The following ROBO1 variants were observed in gnomAD, a reference collection of about 807,000 sequenced individuals.
ROBO1 encodes roundabout guidance receptor 1, also known as roundabout homolog 1.
ROBO1 carries 149 observed loss-of-function variants against 195.9 expected under a neutral mutation model. That is an observed-to-expected ratio of 0.76 (90% CI 0.67 to 0.87). The LOEUF (loss-of-function observed/expected upper bound fraction) is 0.87. Among genes scored for constraint, ROBO1 ranks in the 40% least tolerant of loss-of-function variants. The pLI, the probability that ROBO1 is intolerant of heterozygous loss-of-function variation, is 0.00. For synonymous variants in ROBO1, 816 were observed against 733.2 expected (o/e 1.11, Z -1.82); for missense variants, 1,933 against 2,068.3 (o/e 0.93, Z 1.27).
rs577618678 is a variant in ROBO1, at chr3:78,825,336, G to C, written c.500-78436C>G. ...ATGATATTACTCACCAAATGAGCCT[G>C]GATTTCACCTAGGAGAACCCAAAAA... On this transcript the variant is annotated intron_variant, in intron 4 of 30. Transcript: ENST00000464233. Among the ~76,000 whole-genome samples the C allele has an allele frequency of 2.0e-5, 3 of 152,166 alleles. 1 individual carries two copies. The South Asian group carries it at 6.2e-4, about 32-fold the overall frequency.
chr3:79,421,112 C>T lies in ROBO1; in HGVS notation c.88+168712G>A, dbSNP rs2038207373. On this transcript the variant is annotated intron_variant, in intron 2 of 30. Transcript: ENST00000464233. ...TGGAAGCTATTGTCCTTAGAAAAGT[C>T]ATGCAGAAATAGAAAATGAAATACA... Among the ~76,000 whole-genome samples, 4 of 152,072 alleles carry T rather than the reference C, an allele frequency of 2.6e-5. No homozygotes were observed. In the South Asian group the frequency reaches 8.3e-4, roughly 32 times the overall value.
chr3:79,683,661 G>C (rs1017659020), intron 1 of ROBO1, among the ~76,000 whole-genome samples: 1 of 151,976 alleles, frequency 6.6e-6, no homozygotes, highest in Admixed American at 6.6e-5. Context: ...CTCTATGGAT[G>C]TGCCTATTCT....
chr3:79,362,720 C>T (rs2035817408), intron 2 of ROBO1, among the ~76,000 whole-genome samples: 1 of 152,070 alleles, frequency 6.6e-6, no homozygotes, highest in Non-Finnish European at 1.5e-5. Context: ...CCTGAGACTC[C>T]AATTAACTTT....
At position 79,144,612 on chromosome 3, in the gene ROBO1, G is replaced by A. The variant is rs557465224; in HGVS notation, c.89-19073C>T. Among the ~76,000 whole-genome samples the A allele has an allele frequency of 3.3e-5, 5 of 152,020 alleles. No homozygotes were observed. The South Asian group carries it at 1.0e-3, about 32-fold the overall frequency. ...ATGAAGAGGAATGAAGAATACTAGA[G>A]CTTTGTAGGTCCTTTAGAAACACTG... On this transcript the variant is annotated intron_variant, in intron 2 of 30. Coordinates refer to ENST00000464233, the MANE Select transcript of ROBO1 (RefSeq NM_002941.4).
At chr3:79,614,590 T>C (rs777145674) in intron 1 of ROBO1, among the ~76,000 whole-genome samples, 9 of 152,018 alleles carry the variant, frequency 5.9e-5, no homozygotes, top group Non-Finnish European at 1.0e-4. Flanking sequence ...AATTAAAGTA[T>C]TAAAAAACTA....
At chr3:78,710,623 T>C (rs938099585) in intron 8 of ROBO1, among the ~76,000 whole-genome samples, 5 of 152,198 alleles carry the variant, frequency 3.3e-5, no homozygotes, top group Non-Finnish European at 7.4e-5. Context: ...CCATTTTACA[T>C]ATGGGTCAAC....
intron 4 of ROBO1, among the ~76,000 whole-genome samples, chr3:78,861,463 T>C (rs2034830913): frequency 6.6e-6 from 1 of 152,172 alleles, no homozygotes; most frequent in African/African-American, 2.4e-5. Context: ...ACTTTTATCA[T>C]TATTTCCTGG....
intron 1 of ROBO1, among the ~76,000 whole-genome samples, chr3:79,667,290 T>C (rs1031722384): frequency 6.6e-6 from 1 of 151,964 alleles, no homozygotes; most frequent in Non-Finnish European, 1.5e-5. Flanking sequence ...GATATGAATA[T>C]TCTTTCTTTC....
intron 5 of ROBO1, among the ~76,000 whole-genome samples, chr3:78,718,545 AT>A (rs1304807258): frequency 6.6e-6 from 1 of 152,062 alleles, no homozygotes. Context: ...CATATAATTA[AT>A]TGAATAAAAA....
At position 78,670,895 on chromosome 3, in the gene ROBO1, G is replaced by A. The variant is rs371145449; in HGVS notation, c.1343-594C>T. 8.5e-5 allele frequency among the ~76,000 whole-genome samples: 13 copies of A among 152,242 alleles called. 1 individual carries two copies. The East Asian group carries it at 1.9e-3, about 23-fold the overall frequency. ...TCTTTCTATTACAATATACATGGGA[G>A]AAAATTACCCAACTGTAATGAATTC... On this transcript the variant is annotated intron_variant, in intron 10 of 30. Transcript: ENST00000464233.
At chr3:78,964,812 GT>G (rs529362771) in intron 3 of ROBO1, among the ~76,000 whole-genome samples, 5,615 of 130,378 alleles carry the variant, frequency 0.043, 203 homozygotes, top group Admixed American at 0.13. Context: ...TTTTTTTTTT[GT>G]TTTTTTTTTT....
chr3:79,150,787 A>G (rs1392813150), intron 2 of ROBO1, among the ~76,000 whole-genome samples: 1 of 151,836 alleles, frequency 6.6e-6, no homozygotes, highest in Non-Finnish European at 1.5e-5. Context: ...CCATAAAAGG[A>G]TATCTTGACT....
At chr3:78,816,203 T>C (rs990222269) in intron 4 of ROBO1, among the ~76,000 whole-genome samples, 7 of 152,144 alleles carry the variant, frequency 4.6e-5, no homozygotes, top group African/African-American at 1.7e-4. Flanking sequence ...CATTATGAAT[T>C]ATGATAAAGC....
rs80096547 is a variant in ROBO1, at chr3:79,650,705, A to G, written c.-50-60744T>C. 2.4e-3 allele frequency among the ~76,000 whole-genome samples: 370 copies of G among 152,016 alleles called. 1 individual carries two copies. Among genetic ancestry groups the G allele is most frequent in the African/African-American group, 8.7e-3 (362 of 41,546 alleles). ...AATGAAATAAATTAGAGCTCAATGGATAAATGAAAATAGACCCCAAAGCAA... is the reference window on the plus strand; with the variant it reads ...AATGAAATAAATTAGAGCTCAATGGGTAAATGAAAATAGACCCCAAAGCAA... On this transcript the variant is annotated intron_variant, in intron 1 of 30. Coordinates refer to ENST00000464233, the MANE Select transcript of ROBO1 (RefSeq NM_002941.4).
At chr3:79,463,706 A>C (rs1279924141) in intron 2 of ROBO1, among the ~76,000 whole-genome samples, 1 of 152,218 alleles carries the variant, frequency 6.6e-6, no homozygotes, top group Non-Finnish European at 1.5e-5. Context: ...TCATTAAAGG[A>C]ATACTGAAAT....
At chr3:78,943,383 C>T (rs368510243) in intron 3 of ROBO1, among the ~76,000 whole-genome samples, 4 of 152,102 alleles carry the variant, frequency 2.6e-5, no homozygotes, top group African/African-American at 4.8e-5. Context: ...TCCCCTATAG[C>T]GAAACCACAA....
At chr3:78,776,480 C>T (rs1208172489) in intron 4 of ROBO1, among the ~76,000 whole-genome samples, 2 of 152,238 alleles carry the variant, frequency 1.3e-5, no homozygotes, top group African/African-American at 4.8e-5. Flanking sequence ...GAACTCCTGA[C>T]CTCACGTGAT....
At chr3:79,434,061 T>C (rs930453222) in intron 2 of ROBO1, among the ~76,000 whole-genome samples, 25 of 152,132 alleles carry the variant, frequency 1.6e-4, no homozygotes, top group Non-Finnish European at 2.9e-5. Flanking sequence ...ATACAAAAAT[T>C]AATTCAAGAT....
intron 1 of ROBO1, among the ~76,000 whole-genome samples, chr3:79,674,009 C>A (rs1946709979): frequency 6.6e-6 from 1 of 151,890 alleles, no homozygotes; most frequent in South Asian, 2.1e-4. Flanking sequence ...TCAAAGATTC[C>A]AGAAAGTTAT....
Sources: gnomAD v4.1 joint callset for allele counts (sites outside exome capture counted in the v4.1 genomes callset) on GRCh38, gnomAD v4.1.1 for gene constraint, MANE v1.5 for transcripts, NCBI Gene and HGNC (gene_info 2026-07-23, HGNC 2026-07-21) for gene names.